Variants in CWC22 observed in about 807,000 individuals in gnomAD.
The protein encoded by CWC22 is pre-mRNA-splicing factor CWC22 homolog.
A neutral mutation model predicts 117.2 loss-of-function variants in CWC22; 53 were observed. That is an observed-to-expected ratio of 0.45 (90% CI 0.36 to 0.57). CWC22 has a LOEUF of 0.57. Ranked by LOEUF, CWC22 falls within the 20% of genes least tolerant of loss-of-function variation. The pLI, the probability that CWC22 is intolerant of heterozygous loss-of-function variation, is 0.00. For synonymous variants in CWC22, 360 were observed against 355.6 expected (o/e 1.01, Z -0.14); for missense variants, 980 against 1,068.8 (o/e 0.92, Z 1.16).
At chr2:179,971,124 CATTAA>C in intron 8 of CWC22, 48 bp from the exon 9 acceptor site, 2 of 1,237,016 alleles carry the variant, frequency 1.6e-6, no homozygotes, top group East Asian at 2.6e-5. Context: ...CTTTTACATA[CATTAA>C]ATTATTTTTA....
At chr2:179,954,477 A>C (rs762327060) in intron 15 of CWC22, 120 bp from the exon 16 acceptor site, 4 of 610,334 alleles carry the variant, frequency 6.6e-6, no homozygotes, top group Non-Finnish European at 1.1e-5. Context: ...CAAAGAGCAT[A>C]TATCACTAAA....
At chr2:179,977,656 A>C (rs952450316) in intron 6 of CWC22, among the ~76,000 whole-genome samples, 5 of 152,286 alleles carry the variant, frequency 3.3e-5, no homozygotes, top group Non-Finnish European at 7.4e-5. Flanking sequence ...CAATATTTTG[A>C]CCACAGTTAA....
In CWC22 at chr2:179,959,445, C is replaced by G. The variant is rs371209339; in HGVS notation, c.1398-363G>C. Among the ~76,000 whole-genome samples the G allele has an allele frequency of 2.4e-4, 37 of 152,204 alleles. No individual in the cohort carries two copies. The East Asian group carries it at 5.0e-3, about 21-fold the overall frequency. On this transcript the variant is annotated intron_variant, in intron 13 of 19. Coordinates refer to ENST00000410053, the MANE Select transcript of CWC22 (RefSeq NM_020943.3). ...TTTAGTTTAGAGTAATAGAAATGTT[C>G]CGGAATTAGACAATGATGATGGTTG...
At chr2:179,962,799 G>A (rs1417317904) in intron 13 of CWC22, among the ~76,000 whole-genome samples, 1 of 152,042 alleles carries the variant, frequency 6.6e-6, no homozygotes, top group East Asian at 1.9e-4. Flanking sequence ...AATGTTGCCA[G>A]ATTTTGAATG....
chr2:179,991,554 C>T (rs1687568127), intron 2 of CWC22, among the ~76,000 whole-genome samples: 1 of 152,144 alleles, frequency 6.6e-6, no homozygotes, highest in Non-Finnish European at 1.5e-5. Flanking sequence ...ACAGGAGACC[C>T]ATCTGGGCCA....
intron 13 of CWC22, among the ~76,000 whole-genome samples, chr2:179,962,680 T>C (rs1686784150): frequency 1.3e-5 from 2 of 152,164 alleles, no homozygotes; most frequent in Admixed American, 6.5e-5. Context: ...TATAATTATG[T>C]GTCCATATTT....
intron 6 of CWC22, among the ~76,000 whole-genome samples, chr2:179,976,192 T>C (rs926808273): frequency 6.6e-6 from 1 of 152,088 alleles, no homozygotes; most frequent in African/African-American, 2.4e-5. Flanking sequence ...GAAAACAGAA[T>C]ACCCAGATGC....
At chr2:179,971,218 A>G (rs1198146242) in intron 8 of CWC22, 142 bp from the exon 9 acceptor site, 2 of 525,148 alleles carry the variant, frequency 3.8e-6, no homozygotes, top group Non-Finnish European at 6.3e-6. Flanking sequence ...AAGCACATGG[A>G]AATACTCCAA....
chr2:180,000,495 T>C (rs778351574), intron 1 of CWC22, among the ~76,000 whole-genome samples: 1 of 152,346 alleles, frequency 6.6e-6, no homozygotes, highest in East Asian at 1.9e-4. Context: ...ACTTAATATG[T>C]AGTATAGGCA....
chr2:179,957,099 T>C (rs1278157207), intron 14 of CWC22, among the ~76,000 whole-genome samples: 2 of 152,172 alleles, frequency 1.3e-5, no homozygotes, highest in East Asian at 1.9e-4. Context: ...TGAATATTAA[T>C]ACAATTTATG....
intron 5 of CWC22, among the ~76,000 whole-genome samples, chr2:179,980,523 T>C (rs185691294): frequency 4.6e-5 from 7 of 151,434 alleles, no homozygotes; most frequent in African/African-American, 1.5e-4. Flanking sequence ...GTTCATGCCA[T>C]TCTTCTGCCT....
intron 2 of CWC22, among the ~76,000 whole-genome samples, chr2:179,992,721 A>G (rs974077565): frequency 6.6e-6 from 1 of 152,244 alleles, no homozygotes; most frequent in Non-Finnish European, 1.5e-5. Flanking sequence ...AACAATCACT[A>G]TAACATCTAA....
chr2:180,005,483 G>A (rs1324467460), intron 1 of CWC22, among the ~76,000 whole-genome samples: 1 of 152,204 alleles, frequency 6.6e-6, no homozygotes, highest in Non-Finnish European at 1.5e-5. Context: ...GGCTGAGGCA[G>A]GAGAATGGCA....
rs774898076 is a variant in CWC22 at position 179,986,706 on chromosome 2, GCTA to G, written c.192_194del (p.Ser65del). On this transcript the variant is annotated inframe_deletion, in exon 4 of 20. Transcript: ENST00000410053. ...TTCCCAACACTAACCGTGACTCCAT[GCTA>G]CTATCATAAGAACGTCCTCTTCTTG... The G allele has an allele frequency of 5.7e-6, 9 of 1,577,760 alleles. No homozygotes were observed. Among genetic ancestry groups the G allele is most frequent in the Non-Finnish European group, 7.0e-6 (8 of 1,149,942 alleles).
Position 179,964,987 on chromosome 2 carries a change from T to G in CWC22, c.1316-359A>C, listed in dbSNP as rs1001064334. On this transcript the variant is annotated intron_variant, in intron 12 of 19. Coordinates refer to ENST00000410053, the MANE Select transcript of CWC22 (RefSeq NM_020943.3). The stretch of plus-strand genomic sequence containing the variant: ...TAATTTAGACGCACTGTATAACTCA[T>G]GCGTAAAAATTCAGTTGCAGAGAAC... Among the ~76,000 whole-genome samples, 3 of 152,184 alleles carry G rather than the reference T, an allele frequency of 2.0e-5. No individual in the cohort carries two copies. In the South Asian group the frequency reaches 6.2e-4, roughly 31 times the overall value.
At chr2:179,960,556 C>A (rs180872261) in intron 13 of CWC22, among the ~76,000 whole-genome samples, 1 of 152,020 alleles carries the variant, frequency 6.6e-6, no homozygotes, top group East Asian at 1.9e-4. Flanking sequence ...GAGGTAAAAA[C>A]ACCTAAAGGA....
intron 1 of CWC22, among the ~76,000 whole-genome samples, chr2:179,997,646 T>C (rs1687741882): frequency 6.6e-6 from 1 of 152,218 alleles, no homozygotes; most frequent in African/African-American, 2.4e-5. Context: ...CATTTAACAT[T>C]TCTAACATAT....
chr2:179,963,500 G>GGCTAATA (rs1233945064), intron 13 of CWC22, among the ~76,000 whole-genome samples: 8 of 150,632 alleles, frequency 5.3e-5, no homozygotes, highest in African/African-American at 7.3e-5. Flanking sequence ...CCGCTACCAC[G>GGCTAATA]CCCGGCTAAT....
At chr2:179,984,772 C>A (rs1687375950) in intron 4 of CWC22, among the ~76,000 whole-genome samples, 1 of 151,950 alleles carries the variant, frequency 6.6e-6, no homozygotes, top group South Asian at 2.1e-4. Context: ...AGAGACAAAT[C>A]ACAGTTCCTT....
Sources: gnomAD v4.1 joint callset for allele counts (sites outside exome capture counted in the v4.1 genomes callset) on GRCh38, gnomAD v4.1.1 for gene constraint, MANE v1.5 for transcripts, NCBI Gene and HGNC (gene_info 2026-07-23, HGNC 2026-07-21) for gene names.